Variants in TMCC1 observed in about 807,000 individuals in gnomAD.
The protein encoded by TMCC1 is transmembrane and coiled-coil domains protein 1.
Under a neutral mutation model 52.4 loss-of-function variants are expected in TMCC1, and 15 were observed. The ratio of observed to expected loss-of-function variants is 0.29; its 90% CI spans 0.19 to 0.44. The LOEUF (loss-of-function observed/expected upper bound fraction) is 0.44. Ranked by LOEUF, TMCC1 falls within the 20% of genes least tolerant of loss-of-function variation. TMCC1 has a pLI of 1.00. For synonymous variants in TMCC1, 279 were observed against 301.9 expected (o/e 0.92, Z 0.79); for missense variants, 503 against 806.0 (o/e 0.62, Z 4.55).
intron 4 of TMCC1, among the ~76,000 whole-genome samples, chr3:129,746,990 T>C (rs2052037449): frequency 1.3e-5 from 2 of 152,210 alleles, no homozygotes; most frequent in African/African-American, 4.8e-5. Context: ...TGTATCATTG[T>C]TGGGAGAATA....
intron 4 of TMCC1, among the ~76,000 whole-genome samples, chr3:129,707,357 T>C (rs1274053706): frequency 1.3e-5 from 2 of 152,200 alleles, no homozygotes; most frequent in East Asian, 3.8e-4. Flanking sequence ...CCTTAAAAGA[T>C]GGTCTACCCA....
chr3:129,848,204 C>CT (rs1206188823), intron 2 of TMCC1: 6 of 152,124 alleles, frequency 3.9e-5, no homozygotes, highest in Non-Finnish European at 5.9e-5. Context: ...ATACTTCATG[C>CT]TTTTTGTGTC....
chr3:129,749,059 C>T (rs901280904), intron 4 of TMCC1, among the ~76,000 whole-genome samples: 6 of 152,014 alleles, frequency 3.9e-5, no homozygotes, highest in Non-Finnish European at 5.9e-5. Flanking sequence ...TCCACAACAA[C>T]CCAATGAGTT....
intron 1 of TMCC1, among the ~76,000 whole-genome samples, chr3:129,891,660 A>G (rs1306461104): frequency 6.6e-6 from 1 of 152,234 alleles, no homozygotes. Context: ...CCATACATAC[A>G]GAATAAAGCT....
At chr3:129,725,400 T>G (rs890204737) in intron 4 of TMCC1, among the ~76,000 whole-genome samples, 1 of 152,212 alleles carries the variant, frequency 6.6e-6, no homozygotes, top group African/African-American at 2.4e-5. Context: ...TGAGCCACTG[T>G]GCGCGGCCTA....
rs367994874 is a variant in TMCC1, at chr3:129,872,352, C to A, written c.-184+7957G>T. The stretch of plus-strand genomic sequence containing the variant: ...TCAAAAGCATGGTCTGCTGACCCCA[C>A]AGCATCAGCATTACATGGGAGCTTA... On this transcript the variant is annotated intron_variant, in intron 2 of 6. Transcript: ENST00000393238. Among the ~76,000 whole-genome samples the A allele has an allele frequency of 4.6e-5, 7 of 152,286 alleles. No individual in the cohort carries two copies. In the East Asian group the frequency reaches 1.4e-3, roughly 29 times the overall value.
chr3:129,880,929 T>A (rs1011384610), intron 1 of TMCC1, among the ~76,000 whole-genome samples: 2 of 150,562 alleles, frequency 1.3e-5, no homozygotes, highest in Non-Finnish European at 3.0e-5. Flanking sequence ...AATGGTGCAA[T>A]CTTGGCTCAC....
At chr3:129,757,316 G>C (rs2053101156) in intron 4 of TMCC1, among the ~76,000 whole-genome samples, 1 of 151,936 alleles carries the variant, frequency 6.6e-6, no homozygotes, top group Admixed American at 6.6e-5. Context: ...TGAGCTCCCT[G>C]CCACCTCCAG....
At chr3:129,887,059 A>G (rs2061740024) in intron 1 of TMCC1, among the ~76,000 whole-genome samples, 1 of 152,212 alleles carries the variant, frequency 6.6e-6, no homozygotes, top group African/African-American at 2.4e-5. Flanking sequence ...CAGGGAACAA[A>G]GAGAGGGACT....
chr3:129,675,649 A>C (rs1267402017), intron 4 of TMCC1, among the ~76,000 whole-genome samples: 1 of 152,232 alleles, frequency 6.6e-6, no homozygotes, highest in Non-Finnish European at 1.5e-5. Context: ...GGAATAATGT[A>C]ATTCAACATT....
chr3:129,848,746 TCTGA>T (rs1264165940), intron 2 of TMCC1, among the ~76,000 whole-genome samples: 10 of 152,320 alleles, frequency 6.6e-5, no homozygotes, highest in South Asian at 2.1e-4. Flanking sequence ...TATTCTGTAA[TCTGA>T]CTATGTTTCT....
At chr3:129,811,143 G>A (rs2057784039) in intron 4 of TMCC1, among the ~76,000 whole-genome samples, 1 of 152,128 alleles carries the variant, frequency 6.6e-6, no homozygotes, top group Non-Finnish European at 1.5e-5. Flanking sequence ...GCATCCACAT[G>A]GGGAAGGTTA....
chr3:129,773,542 A>T (rs1444138008), intron 4 of TMCC1, among the ~76,000 whole-genome samples: 10 of 152,256 alleles, frequency 6.6e-5, no homozygotes, highest in Non-Finnish European at 1.5e-4. Flanking sequence ...TTTAAGCAAA[A>T]TGGAAAAAAA....
intron 5 of TMCC1, among the ~76,000 whole-genome samples, chr3:129,668,385 C>T (rs1170812999): frequency 6.6e-6 from 1 of 152,078 alleles, no homozygotes; most frequent in Non-Finnish European, 1.5e-5. Context: ...TTAAATATCA[C>T]AATAATCTTA....
chr3:129,798,790 A>G (rs924259087), intron 4 of TMCC1, among the ~76,000 whole-genome samples: 5 of 152,222 alleles, frequency 3.3e-5, no homozygotes, highest in African/African-American at 1.2e-4. Context: ...AGTCTCTTTC[A>G]GAAATTATTA....
chr3:129,886,775 A>C (rs77530473), intron 1 of TMCC1, among the ~76,000 whole-genome samples: 1 of 141,518 alleles, frequency 7.1e-6, no homozygotes, highest in Admixed American at 7.0e-5. Context: ...CCGTTTCTAC[A>C]AAAAAAAAAA....
chr3:129,749,744 T>C (rs1314040191), intron 4 of TMCC1, among the ~76,000 whole-genome samples: 1 of 152,214 alleles, frequency 6.6e-6, no homozygotes, highest in Non-Finnish European at 1.5e-5. Flanking sequence ...TTTCTCTTTA[T>C]ACATAAAATA....
At chr3:129,826,384 G>C (rs985344857) in intron 4 of TMCC1, among the ~76,000 whole-genome samples, 1 of 151,326 alleles carries the variant, frequency 6.6e-6, no homozygotes, top group Non-Finnish European at 1.5e-5. Flanking sequence ...GCATGCGCCT[G>C]TAGTACCAGC....
intron 4 of TMCC1, among the ~76,000 whole-genome samples, chr3:129,740,209 T>C (rs539869406): frequency 2.0e-5 from 3 of 152,298 alleles, no homozygotes; most frequent in African/African-American, 7.2e-5. Context: ...CATACTTCCA[T>C]CTCAGATGTA....
Sources: gnomAD v4.1 joint callset for allele counts (sites outside exome capture counted in the v4.1 genomes callset) on GRCh38, gnomAD v4.1.1 for gene constraint, MANE v1.5 for transcripts, NCBI Gene and HGNC (gene_info 2026-07-23, HGNC 2026-07-21) for gene names.